Variants in CPLX1 observed in about 807,000 individuals in gnomAD.
The protein encoded by CPLX1 is complexin-1.
A neutral mutation model predicts 15.6 loss-of-function variants in CPLX1; 6 were observed. That is an observed-to-expected ratio of 0.39 (90% CI 0.21 to 0.76). The LOEUF (loss-of-function observed/expected upper bound fraction) is 0.76, where lower values mean the gene tolerates loss of function less well. CPLX1 is among the 30% of genes least tolerant of loss of function. The pLI, the probability that CPLX1 is intolerant of heterozygous loss-of-function variation, is 0.43. For missense variants in CPLX1, 242 were observed against 188.6 expected (o/e 1.28, Z -1.66); for synonymous variants, 91 against 75.2 (o/e 1.21, Z -1.08).
intron 2 of CPLX1, among the ~76,000 whole-genome samples, chr4:802,708 G>C (rs1746481159): frequency 6.6e-6 from 1 of 152,218 alleles, no homozygotes; most frequent in African/African-American, 2.4e-5. Context: ...CCAGCACTTT[G>C]GGAGGCCAAG....
At chr4:805,652 C>T (rs945605164) in intron 2 of CPLX1, among the ~76,000 whole-genome samples, 5 of 152,196 alleles carry the variant, frequency 3.3e-5, no homozygotes, top group African/African-American at 9.7e-5. Context: ...ACCTCCATAC[C>T]CCTGTTCATA....
Position 816,259 on chromosome 4 carries a change from C to A in CPLX1, c.31+8233G>T, listed in dbSNP as rs190841825. Among the ~76,000 whole-genome samples, 286 of 145,778 alleles carry A rather than the reference C, an allele frequency of 2.0e-3. 3 individuals are homozygous for A. The highest frequency in any genetic ancestry group is 7.1e-3 in the African/African-American group (277 of 39,064). ...TTTGAGACAGAGTCTCACTCTGTCA[C>A]CCAGGCTGGAGTGCAGTGGTGCAGT... is the stretch of plus-strand genomic sequence containing the variant. On this transcript the variant is annotated intron_variant, in intron 2 of 3. Coordinates refer to ENST00000304062, the MANE Select transcript of CPLX1 (RefSeq NM_006651.4).
At chr4:818,073 GC>G (rs890575453) in intron 2 of CPLX1, among the ~76,000 whole-genome samples, 22 of 152,226 alleles carry the variant, frequency 1.4e-4, no homozygotes, top group African/African-American at 4.8e-4. Flanking sequence ...AAGAAGGTTG[GC>G]TTTTGGCTCC....
At chr4:800,511 C>A (rs188237358) in intron 2 of CPLX1, among the ~76,000 whole-genome samples, 64 of 147,656 alleles carry the variant, frequency 4.3e-4, no homozygotes, top group African/African-American at 1.6e-3. Flanking sequence ...TATACACACA[C>A]AGACACATAT....
At chr4:805,586 C>T (rs759598341) in intron 2 of CPLX1, among the ~76,000 whole-genome samples, 2 of 152,172 alleles carry the variant, frequency 1.3e-5, no homozygotes, top group Non-Finnish European at 1.5e-5. Context: ...TATGATCTAG[C>T]GATTCCATTT....
chr4:819,855 C>G (rs1173864206), intron 2 of CPLX1, among the ~76,000 whole-genome samples: 2 of 152,228 alleles, frequency 1.3e-5, no homozygotes, highest in Non-Finnish European at 2.9e-5. Context: ...GCAGCAGCAG[C>G]CACTTTGAGA....
chr4:806,999 C>A (rs537255108), intron 2 of CPLX1, among the ~76,000 whole-genome samples: 55 of 152,328 alleles, frequency 3.6e-4, no homozygotes, highest in Middle Eastern at 6.8e-3. Flanking sequence ...GAATATAAAT[C>A]ATTCTATTTT....
intron 2 of CPLX1, chr4:804,826 C>T: frequency 2.0e-6 from 2 of 985,324 alleles, no homozygotes; most frequent in Non-Finnish European, 2.4e-6. Flanking sequence ...TGGAGGCCGG[C>T]AAGCGTGGGG....
intron 2 of CPLX1, among the ~76,000 whole-genome samples, chr4:813,356 T>C (rs544486720): frequency 6.0e-5 from 9 of 151,252 alleles, no homozygotes; most frequent in Admixed American, 2.6e-4. Context: ...CGGTATCAGA[T>C]TGGGGACGAT....
chr4:822,108 CCTCT>C (rs75136326), intron 2 of CPLX1, among the ~76,000 whole-genome samples: 28,067 of 151,436 alleles, frequency 0.19, 2,606 homozygotes, highest in East Asian at 0.28. Flanking sequence ...TCTGTCTCTC[CCTCT>C]GTCTCTGTCT....
chr4:824,747 G>C (rs552520810), intron 1 of CPLX1, 146 bp from the exon 2 acceptor site: 5 of 693,384 alleles, frequency 7.2e-6, no homozygotes, highest in Admixed American at 4.0e-5. Flanking sequence ...TTCGTGAGGG[G>C]CTTCTGTCCC....
intron 2 of CPLX1, among the ~76,000 whole-genome samples, chr4:809,361 T>C (rs1316358870): frequency 6.6e-6 from 1 of 152,186 alleles, no homozygotes; most frequent in Admixed American, 6.5e-5. Flanking sequence ...AGGGGCCCTA[T>C]GGCTGCCAAG....
chr4:796,228 G>C (rs1746335671), intron 2 of CPLX1, among the ~76,000 whole-genome samples: 1 of 152,136 alleles, frequency 6.6e-6, no homozygotes, highest in Non-Finnish European at 1.5e-5. Context: ...TAGATTTACG[G>C]AAGAGTCACA....
chr4:808,706 A>T (rs1204456424), intron 2 of CPLX1, among the ~76,000 whole-genome samples: 9 of 152,252 alleles, frequency 5.9e-5, no homozygotes, highest in African/African-American at 2.2e-4. Flanking sequence ...ATTGAGAACT[A>T]GCCACACCCA....
At chr4:820,038 G>A (rs1285884296) in intron 2 of CPLX1, among the ~76,000 whole-genome samples, 1 of 152,174 alleles carries the variant, frequency 6.6e-6, no homozygotes, top group African/African-American at 2.4e-5. Flanking sequence ...TCTTCCCCAT[G>A]TGGAATTCAA....
At chr4:792,393 A>G in intron 3 of CPLX1, 40 bp downstream of exon 3, 6 of 1,483,524 alleles carry the variant, frequency 4.0e-6, no homozygotes, top group Non-Finnish European at 5.4e-6. Flanking sequence ...CGCTGGACTC[A>G]GGGCCGCCTT....
Position 824,556 on chromosome 4 carries a change from G to C in CPLX1, c.-34C>G. 2 of 1,612,032 alleles carry C rather than the reference G, an allele frequency of 1.2e-6. No homozygotes were observed. The highest frequency in any genetic ancestry group is 1.1e-5 in the South Asian group (1 of 91,074). ...CTCTGCTTCCACAGTGGCTCCTCCA[G>C]GGGTCAGAACTCACACGCAAGTATG... On this transcript the variant is annotated 5_prime_UTR_variant, in exon 2 of 4. Coordinates refer to ENST00000304062, the MANE Select transcript of CPLX1 (RefSeq NM_006651.4).
intron 2 of CPLX1, among the ~76,000 whole-genome samples, chr4:794,876 G>A (rs578145130): frequency 6.6e-6 from 1 of 152,318 alleles, no homozygotes; most frequent in South Asian, 2.1e-4. Context: ...TAGGCTCTGG[G>A]TCTGGTCGCG....
chr4:787,366 C>T (rs570429357), intron 3 of CPLX1: 32 of 985,324 alleles, frequency 3.2e-5, no homozygotes, highest in East Asian at 1.1e-4. Flanking sequence ...CCCGTGAGTG[C>T]GTCTGCCCTC....
Sources: gnomAD v4.1 joint callset for allele counts (sites outside exome capture counted in the v4.1 genomes callset) on GRCh38, gnomAD v4.1.1 for gene constraint, MANE v1.5 for transcripts, NCBI Gene and HGNC (gene_info 2026-07-23, HGNC 2026-07-21) for gene names.